Variants in MTSS1 observed in about 807,000 individuals in gnomAD.
The protein encoded by MTSS1 is MTSS I-BAR domain containing 1, also known as protein MTSS 1.
A neutral mutation model predicts 79.0 loss-of-function variants in MTSS1; 18 were observed. The ratio of observed to expected loss-of-function variants is 0.23; its 90% CI spans 0.16 to 0.34. The LOEUF is 0.34. MTSS1 is among the 10% of genes least tolerant of loss of function. The pLI, the probability that MTSS1 is intolerant of heterozygous loss-of-function variation, is 1.00. For missense variants in MTSS1, 815 were observed against 986.2 expected (o/e 0.83, Z 2.33); for synonymous variants, 341 against 368.6 (o/e 0.93, Z 0.86).
At chr8:124,716,841 ACTGAGACATGTTTT>A (rs1832076576) in intron 1 of MTSS1, among the ~76,000 whole-genome samples, 1 of 152,068 alleles carries the variant, frequency 6.6e-6, no homozygotes, top group South Asian at 2.1e-4. Flanking sequence ...GGAATTGGGA[ACTGAGACATGTTTT>A]TTGGTAGGCT....
rs57744188 is a variant in MTSS1 at position 124,683,157 on chromosome 8, C to CAA, written c.208+16367_208+16368dup. On this transcript the variant is annotated intron_variant, in intron 3 of 13. Coordinates refer to ENST00000518547, the MANE Select transcript of MTSS1 (RefSeq NM_014751.6). The surrounding 1 kb of genome is among the most constrained non-coding windows in gnomAD (Gnocchi z 4.5). The stretch of plus-strand genomic sequence containing the variant: ...TGACAGCACTTCCATTTAAAGTAAG[C>CAA]AAAAAAAAAAGAAAAAAAGTTTCTT... Among the ~76,000 whole-genome samples, 4 of 133,978 alleles carry CAA rather than the reference C, an allele frequency of 3.0e-5. No individual in the cohort carries two copies. Among genetic ancestry groups the CAA allele is most frequent in the African/African-American group, 1.1e-4 (4 of 36,064 alleles). 87.9% of individuals were successfully genotyped at this position (133,978 alleles called of 152,430 possible).
Position 124,567,156 on chromosome 8 carries a change from C to T in MTSS1, c.641G>A (p.Gly214Glu), listed in dbSNP as rs1826676365. 6.2e-7 allele frequency: 1 copy of T among 1,613,616 alleles called. No homozygotes were observed. Among genetic ancestry groups the T allele is most frequent in the Non-Finnish European group, 8.5e-7 (1 of 1,179,524 alleles). ...PVIEEEISML[G>E]EITHLQTISE... ...GATGGTCTGAAGGTGGGTTATTTCCCCTAGCATTGAGATTTCTTCTTCCTG... is the reference window on the plus strand; with the variant it reads ...GATGGTCTGAAGGTGGGTTATTTCCTCTAGCATTGAGATTTCTTCTTCCTG... The change falls in exon 8 of 14, where the codon GGG (glycine) becomes GAG (glutamate). Residue 214 changes from glycine (G) to glutamate (E), a missense_variant. Physicochemically the swap from Gly to Glu is moderately conservative, Grantham distance 98. Around this residue, in one of 2 missense-constraint regions of MTSS1, gnomAD observed 225 missense variants for 365.4 expected, o/e 0.62. Transcript: ENST00000518547.
intron 1 of MTSS1, among the ~76,000 whole-genome samples, chr8:124,726,055 A>T (rs1296072660): frequency 6.6e-6 from 1 of 152,230 alleles, no homozygotes; most frequent in African/African-American, 2.4e-5. Context: ...TCAAACCGAA[A>T]GAAGTCAGGA....
intron 1 of MTSS1, among the ~76,000 whole-genome samples, chr8:124,710,706 C>A (rs1221583687): frequency 6.6e-6 from 1 of 152,198 alleles, no homozygotes. Flanking sequence ...CTCATCAGCA[C>A]GGCTGGTGAC....
rs147075251 is a variant in MTSS1, at chr8:124,675,121, A to T, written c.208+24405T>A. 1.5e-3 allele frequency among the ~76,000 whole-genome samples: 231 copies of T among 152,370 alleles called. 1 individual carries two copies. Among genetic ancestry groups the T allele is most frequent in the African/African-American group, 5.4e-3 (225 of 41,594 alleles). On this transcript the variant is annotated intron_variant, in intron 3 of 13. Transcript: ENST00000518547. ...AGCTAGCCTCCGCTTCACAGCAGGT[A>T]TGTGGAGGAGCTTTGACTGCCCTCC...
At chr8:124,572,743 C>CTTTTTTTTTTTTTTTTTTT (rs747243821) in intron 6 of MTSS1, among the ~76,000 whole-genome samples, 5 of 123,668 alleles carry the variant, frequency 4.0e-5, no homozygotes, top group African/African-American at 6.1e-5. Context: ...CTTTTCTTTT[C>CTTTTTTTTTTTTTTTTTTT]TTTTTTTTTT....
intron 2 of MTSS1, among the ~76,000 whole-genome samples, chr8:124,700,029 C>T (rs1360289887): frequency 6.6e-6 from 1 of 151,930 alleles, no homozygotes; most frequent in Non-Finnish European, 1.5e-5. Context: ...ATCCCAGCTA[C>T]TTGGGAGGCT....
intron 3 of MTSS1, among the ~76,000 whole-genome samples, chr8:124,633,239 T>C (rs1281729126): frequency 1.3e-5 from 2 of 152,112 alleles, no homozygotes; most frequent in Non-Finnish European, 2.9e-5. Flanking sequence ...TTGTTGTCAT[T>C]TTAGGCATCA....
At chr8:124,695,310 C>T (rs1251400643) in intron 3 of MTSS1, among the ~76,000 whole-genome samples, 1 of 151,078 alleles carries the variant, frequency 6.6e-6, no homozygotes, top group Non-Finnish European at 1.5e-5. Context: ...CTGCAATTCC[C>T]TCCTACCACT....
At position 124,585,151 on chromosome 8, in the gene MTSS1, T is replaced by C. The variant is rs1830634126; in HGVS notation, c.396A>G (p.Lys132=). ...ACTTCTTTTTTATCTCTTGGCGGGCTTTCTTATATTCTAAGAGAAAGCAGA... is the reference window on the plus strand; with the variant it reads ...ACTTCTTTTTTATCTCTTGGCGGGCCTTCTTATATTCTAAGAGAAAGCAGA... ...LDKDHAKEYK[K]ARQEIKKKSS... Residue 132 remains lysine, a synonymous_variant, in exon 6 of 14, where the codon AAA becomes AAG. Coordinates refer to ENST00000518547, the MANE Select transcript of MTSS1 (RefSeq NM_014751.6). 6.2e-7 allele frequency: 1 copy of C among 1,613,102 alleles called. No individual in the cohort carries two copies. Among genetic ancestry groups the C allele is most frequent in the South Asian group, 1.1e-5 (1 of 90,910 alleles).
chr8:124,688,414 C>T (rs895243182), intron 3 of MTSS1, among the ~76,000 whole-genome samples: 3 of 151,548 alleles, frequency 2.0e-5, no homozygotes, highest in African/African-American at 4.9e-5. Context: ...TGTGTGTGTA[C>T]GTATGTGTGC....
chr8:124,610,102 C>CTAATA lies in MTSS1; in HGVS notation c.209-18868_209-18867insTATTA, dbSNP rs563504045. Among the ~76,000 whole-genome samples, 9 of 152,324 alleles carry CTAATA rather than the reference C, an allele frequency of 5.9e-5. No individual in the cohort carries two copies. The South Asian group carries it at 1.5e-3, about 25-fold the overall frequency. The stretch of plus-strand genomic sequence containing the variant: ...AATAAAGGATATTTAGATCAATCCT[C>CTAATA]AGCTTTTCTGCCTGCCTGTCAAATA... On this transcript the variant is annotated intron_variant, in intron 3 of 13. Transcript: ENST00000518547.
chr8:124,650,635 C>T (rs1392722699), intron 3 of MTSS1, among the ~76,000 whole-genome samples: 1 of 152,108 alleles, frequency 6.6e-6, no homozygotes, highest in Non-Finnish European at 1.5e-5. Context: ...ACGAACATCA[C>T]ATTTTCCTGC....
chr8:124,676,409 T>C (rs1825297895), intron 3 of MTSS1, among the ~76,000 whole-genome samples: 1 of 152,234 alleles, frequency 6.6e-6, no homozygotes. Flanking sequence ...CACTCAGACC[T>C]TTCTTTGAAC....
At chr8:124,635,056 G>C (rs1242847350) in intron 3 of MTSS1, among the ~76,000 whole-genome samples, 1 of 152,192 alleles carries the variant, frequency 6.6e-6, no homozygotes, top group Non-Finnish European at 1.5e-5. Flanking sequence ...TTCTCCCCAG[G>C]TTATTGTAAG....
At chr8:124,681,862 G>C (rs962824968) in intron 3 of MTSS1, among the ~76,000 whole-genome samples, 11 of 152,192 alleles carry the variant, frequency 7.2e-5, no homozygotes, top group Admixed American at 2.0e-4. Context: ...CCAGAGCATA[G>C]TGCCTGACAC....
intron 13 of MTSS1, among the ~76,000 whole-genome samples, chr8:124,555,114 G>A (rs1823314314): frequency 6.6e-6 from 1 of 152,336 alleles, no homozygotes; most frequent in African/African-American, 2.4e-5. Flanking sequence ...CCAAAATGTT[G>A]AGATTACAGG....
At chr8:124,640,731 A>G (rs938881847) in intron 3 of MTSS1, among the ~76,000 whole-genome samples, 18 of 151,954 alleles carry the variant, frequency 1.2e-4, no homozygotes, top group African/African-American at 4.4e-4. Flanking sequence ...TTTAGTAGAG[A>G]TGGGGTTTCA....
chr8:124,720,294 C>A (rs761227983), intron 1 of MTSS1, among the ~76,000 whole-genome samples: 22 of 152,248 alleles, frequency 1.4e-4, no homozygotes, highest in Admixed American at 3.3e-4. Flanking sequence ...GGTGTCCTCA[C>A]ACAAAAGGTT....
Sources: gnomAD v4.1 joint callset for allele counts (sites outside exome capture counted in the v4.1 genomes callset) on GRCh38, gnomAD v4.1.1 for gene constraint, gnomAD v4.1.1 regional missense constraint, Gnocchi (gnomAD v3.1) non-coding constraint, MANE v1.5 for transcripts, NCBI Gene and HGNC (gene_info 2026-07-23, HGNC 2026-07-21) for gene names.